The following CCDC3 variants were observed in gnomAD, a reference collection of about 807,000 sequenced individuals.
CCDC3 encodes the protein coiled-coil domain containing 3.
Under a neutral mutation model 21.4 loss-of-function variants are expected in CCDC3, and 24 were observed. The observed-to-expected ratio is 1.12, with a 90% CI of 0.81 to 1.58. The LOEUF is 1.58. Ranked by LOEUF, CCDC3 falls within the 40% of genes most tolerant of loss-of-function variation. CCDC3 has a pLI of 0.00. For missense variants in CCDC3, 425 were observed against 360.9 expected (o/e 1.18, Z -1.44); for synonymous variants, 186 against 166.0 (o/e 1.12, Z -0.93).
intron 2 of CCDC3, among the ~76,000 whole-genome samples, chr10:12,941,528 A>C (rs1338015927): frequency 6.6e-6 from 1 of 152,160 alleles, no homozygotes; most frequent in Non-Finnish European, 1.5e-5. Context: ...ACATCTTGGC[A>C]CTGAATACAA....
chr10:12,950,149 C>T (rs1201192579), intron 2 of CCDC3, among the ~76,000 whole-genome samples: 1 of 152,158 alleles, frequency 6.6e-6, no homozygotes, highest in Non-Finnish European at 1.5e-5. Flanking sequence ...CTTTCCTTGC[C>T]CAATCCAGAC....
At chr10:13,043,517 C>T (rs1428175597) in intron 5 of CCDC3, among the ~76,000 whole-genome samples, 1 of 152,220 alleles carries the variant, frequency 6.6e-6, no homozygotes, top group East Asian at 1.9e-4. Flanking sequence ...CGCCTGAACC[C>T]AGGAGGTGGA....
chr10:13,075,438 TG>T (rs752400810), intron 3 of CCDC3, among the ~76,000 whole-genome samples: 5 of 65,344 alleles, frequency 7.7e-5, no homozygotes, highest in Non-Finnish European at 1.4e-4. Context: ...CAGACACGTT[TG>T]TTTTTTTGTT....
At chr10:13,068,027 T>C (rs1007651993) in intron 4 of CCDC3, among the ~76,000 whole-genome samples, 3 of 152,198 alleles carry the variant, frequency 2.0e-5, no homozygotes, top group African/African-American at 7.2e-5. Flanking sequence ...AATGTATGCA[T>C]GAGAGGCCCT....
chr10:13,045,533 G>A (rs1476031570), intron 5 of CCDC3, among the ~76,000 whole-genome samples: 12 of 151,726 alleles, frequency 7.9e-5, no homozygotes, highest in African/African-American at 2.4e-5. Flanking sequence ...CAGGAGAATC[G>A]CTTGAACCTG....
chr10:12,983,354 C>A (rs1433191426), intron 2 of CCDC3, among the ~76,000 whole-genome samples: 1 of 151,174 alleles, frequency 6.6e-6, no homozygotes, highest in Non-Finnish European at 1.5e-5. Flanking sequence ...GGGCAGATCA[C>A]TTCAGGTCAG....
chr10:13,032,349 T>G (rs939143823), intron 5 of CCDC3, among the ~76,000 whole-genome samples: 7 of 152,112 alleles, frequency 4.6e-5, no homozygotes, highest in Admixed American at 1.3e-4. Context: ...CTCAAAATAA[T>G]AAGAGTTATT....
intron 5 of CCDC3, among the ~76,000 whole-genome samples, chr10:13,032,498 A>C (rs1408283154): frequency 6.6e-6 from 1 of 152,204 alleles, no homozygotes; most frequent in Non-Finnish European, 1.5e-5. Flanking sequence ...CAGGGCAATC[A>C]GGCAGGAGAA....
chr10:13,057,645 C>T (rs1249953146), intron 4 of CCDC3, among the ~76,000 whole-genome samples: 2 of 151,956 alleles, frequency 1.3e-5, no homozygotes, highest in Non-Finnish European at 2.9e-5. Flanking sequence ...TTTGGAAGGC[C>T]AAGGCAGACA....
At chr10:13,072,867 CTTTTT>C (rs144915227) in intron 4 of CCDC3, among the ~76,000 whole-genome samples, 4 of 118,020 alleles carry the variant, frequency 3.4e-5, no homozygotes, top group Non-Finnish European at 5.2e-5. Flanking sequence ...TCTTTTCTTT[CTTTTT>C]TTTTTTTTTT....
At chr10:12,995,102 A>C (rs961165885) in intron 2 of CCDC3, among the ~76,000 whole-genome samples, 2 of 150,768 alleles carry the variant, frequency 1.3e-5, no homozygotes, top group Non-Finnish European at 2.9e-5. Context: ...AAAAAAAAAG[A>C]AGCAAGTAGT....
chr10:13,002,660 G>C (rs73583893), upstream of CCDC3, among the ~76,000 whole-genome samples: 2 of 152,172 alleles, frequency 1.3e-5, no homozygotes, highest in East Asian at 1.9e-4. Context: ...ACTTTCAGGC[G>C]TGAGCCCCCA....
chr10:12,913,616 T>C (rs1834303944), intron 2 of CCDC3, among the ~76,000 whole-genome samples: 1 of 152,266 alleles, frequency 6.6e-6, no homozygotes, highest in Non-Finnish European at 1.5e-5. Context: ...TCCAGTACTA[T>C]GTTGAATAGA....
At chr10:13,047,134 T>C (rs1009350776) in intron 5 of CCDC3, among the ~76,000 whole-genome samples, 1 of 152,162 alleles carries the variant, frequency 6.6e-6, no homozygotes, top group Admixed American at 6.5e-5. Flanking sequence ...CTCATCGCCA[T>C]TCAGTTCTCA....
chr10:13,099,572 G>T (rs1390458091), exon 1 of CCDC3: 2 of 151,952 alleles, frequency 1.3e-5, no homozygotes, highest in Non-Finnish European at 2.9e-5. Flanking sequence ...CTATTCTTCA[G>T]CAACAAGAAT....
At chr10:13,004,291 C>A (rs1835900089), upstream of CCDC3, among the ~76,000 whole-genome samples, 1 of 152,026 alleles carries the variant, frequency 6.6e-6, no homozygotes, top group African/African-American at 2.4e-5. Flanking sequence ...ACTGTTACAT[C>A]CTTCAAAATT....
At chr10:12,906,086 A>C (rs1834166804) in intron 2 of CCDC3, among the ~76,000 whole-genome samples, 1 of 152,212 alleles carries the variant, frequency 6.6e-6, no homozygotes, top group Non-Finnish European at 1.5e-5. Context: ...ATAGAGATCT[A>C]TGAGGAGGTG....
intron 5 of CCDC3, among the ~76,000 whole-genome samples, chr10:13,044,751 A>T (rs1232081700): frequency 6.6e-6 from 1 of 152,104 alleles, no homozygotes; most frequent in African/African-American, 2.4e-5. Flanking sequence ...TATAGTTTGA[A>T]GTCTAATAAT....
chr10:13,067,745 C>T (rs1162736619), intron 4 of CCDC3, among the ~76,000 whole-genome samples: 1 of 152,188 alleles, frequency 6.6e-6, no homozygotes, highest in African/African-American at 2.4e-5. Flanking sequence ...CTTTTATCTT[C>T]CTTTCTCTGA....
Sources: allele counts gnomAD v4.1 joint callset (sites outside exome capture counted in the v4.1 genomes callset), GRCh38; gene constraint gnomAD v4.1.1; transcripts MANE v1.5; gene names NCBI Gene and HGNC (gene_info 2026-07-23, HGNC 2026-07-21).